B3GALNT2: variants seen among roughly 807,000 people sequenced by gnomAD.
B3GALNT2 encodes the protein UDP-GalNAc:beta-1,3-N-acetylgalactosaminyltransferase 2.
A neutral mutation model predicts 61.1 loss-of-function variants in B3GALNT2; 53 were observed. The observed-to-expected ratio is 0.87, with a 90% CI of 0.70 to 1.09. B3GALNT2 has a LOEUF of 1.09. B3GALNT2 is among the 50% of genes least tolerant of loss of function. The pLI is 0.00. For missense variants in B3GALNT2, 544 were observed against 623.0 expected (o/e 0.87, Z 1.35); for synonymous variants, 223 against 237.4 (o/e 0.94, Z 0.56).
At chr1:235,472,507 T>G (rs568607789) in intron 5 of B3GALNT2, among the ~76,000 whole-genome samples, 1 of 152,304 alleles carries the variant, frequency 6.6e-6, no homozygotes, top group African/African-American at 2.4e-5. Flanking sequence ...TTAATACCAT[T>G]TATCACTCTG....
At chr1:235,440,032 G>T in the B3GALNT2 span, among the ~76,000 whole-genome samples, 241 of 151,884 alleles carry the variant, frequency 1.6e-3, 4 homozygotes, top group Non-Finnish European at 2.5e-4. Context: ...GTGCAGTGCC[G>T]CGATCTCCGC....
chr1:235,469,855 C>T (rs151265470), intron 6 of B3GALNT2, among the ~76,000 whole-genome samples: 1 of 152,002 alleles, frequency 6.6e-6, no homozygotes, highest in Non-Finnish European at 1.5e-5. Flanking sequence ...AGCCAGCACA[C>T]CCCGCCTTAT....
At chr1:235,496,035 G>A (rs900536959) in intron 1 of B3GALNT2, 2 of 152,542 alleles carry the variant, frequency 1.3e-5, no homozygotes, top group African/African-American at 4.8e-5. Flanking sequence ...TTCTGGGCCA[G>A]GCACGGTGGC....
chr1:235,474,983 ATATATTTTT>A (rs1482890627), intron 5 of B3GALNT2, among the ~76,000 whole-genome samples: 143 of 38,768 alleles, frequency 3.7e-3, no homozygotes, highest in African/African-American at 0.017. Context: ...ATATATATAT[ATATATTTTT>A]TTTTTTTTTT....
At chr1:235,456,385 A>G (rs1432316902) in intron 8 of B3GALNT2, among the ~76,000 whole-genome samples, 1 of 152,170 alleles carries the variant, frequency 6.6e-6, no homozygotes, top group Admixed American at 6.5e-5. Flanking sequence ...TGCCAGTCAT[A>G]TGTCAGAAAT....
chr1:235,472,724 A>C (rs1684058815), intron 5 of B3GALNT2, among the ~76,000 whole-genome samples: 1 of 152,122 alleles, frequency 6.6e-6, no homozygotes, highest in Non-Finnish European at 1.5e-5. Flanking sequence ...GGATTAAATG[A>C]AAGATATACC....
chr1:235,493,558 A>C (rs561774776), intron 2 of B3GALNT2, among the ~76,000 whole-genome samples: 3 of 152,126 alleles, frequency 2.0e-5, no homozygotes, highest in Admixed American at 6.5e-5. Flanking sequence ...CAAGCAGATC[A>C]CCTGAGGTCA....
chr1:235,477,491 G>A (rs1684341377), intron 5 of B3GALNT2, among the ~76,000 whole-genome samples: 1 of 152,110 alleles, frequency 6.6e-6, no homozygotes, highest in African/African-American at 2.4e-5. Flanking sequence ...CCATAAAACT[G>A]CGATTAGCTT....
intron 7 of B3GALNT2, 104 bp downstream of exon 7, chr1:235,465,532 A>G (rs1683646711): frequency 5.4e-6 from 8 of 1,494,458 alleles, no homozygotes; most frequent in South Asian, 1.3e-5. Flanking sequence ...TTATCTGAAT[A>G]AAGTTTTTTA....
chr1:235,452,740 CG>C (rs1030052428), intron 11 of B3GALNT2, among the ~76,000 whole-genome samples: 2 of 151,972 alleles, frequency 1.3e-5, no homozygotes, highest in East Asian at 3.9e-4. Context: ...TTTGTAGAGA[CG>C]GGGGGTTTCA....
chr1:235,446,060 G>T (rs1682250362), downstream of B3GALNT2, among the ~76,000 whole-genome samples: 3 of 152,316 alleles, frequency 2.0e-5, no homozygotes, highest in South Asian at 6.2e-4. Flanking sequence ...TACCACATGT[G>T]GCTGCCATAC....
chr1:235,491,346 G>C (rs189259351), intron 2 of B3GALNT2, among the ~76,000 whole-genome samples: 1 of 152,140 alleles, frequency 6.6e-6, no homozygotes, highest in Admixed American at 6.5e-5. Context: ...TGGTTTCATG[G>C]AATTTACGAT....
In B3GALNT2 at chr1:235,465,576, GT is replaced by G. The variant is rs774521546; in HGVS notation, c.841+59del. The G allele has an allele frequency of 2.5e-6, 4 of 1,572,770 alleles. No individual in the cohort carries two copies. The South Asian group carries it at 3.6e-5, about 14-fold the overall frequency. ...AAAAGAAAAAATCCTTTTCTCTCAA[GT>G]ATAAAGATTAAGTATAAGACATTCA... On this transcript the variant is annotated intron_variant, in intron 7 of 11. Coordinates refer to ENST00000366600, the MANE Select transcript of B3GALNT2 (RefSeq NM_152490.5).
At chr1:235,499,461 T>C (rs766170779) in intron 1 of B3GALNT2, among the ~76,000 whole-genome samples, 5 of 152,208 alleles carry the variant, frequency 3.3e-5, no homozygotes, top group Admixed American at 6.5e-5. Context: ...GCATCTCCTA[T>C]GCTCATTGTT....
the B3GALNT2 span, among the ~76,000 whole-genome samples, chr1:235,440,395 TA>T: frequency 2.0e-5 from 3 of 151,962 alleles, no homozygotes; most frequent in Non-Finnish European, 4.4e-5. Context: ...CATCCGTATA[TA>T]TATATATTTT....
rs1484993904 is a variant in B3GALNT2, at chr1:235,447,624, T to A, written c.*2582A>T. Among the ~76,000 whole-genome samples the A allele has an allele frequency of 2.0e-5, 3 of 152,166 alleles. No individual in the cohort carries two copies. The highest frequency in any genetic ancestry group is 2.0e-4 in the Admixed American group (3 of 15,278). On this transcript the variant is annotated 3_prime_UTR_variant, in exon 12 of 12. Coordinates refer to ENST00000366600, the MANE Select transcript of B3GALNT2 (RefSeq NM_152490.5). ...GAACTAAGGCCAGAGTTGAGAGATG[T>A]CCTCAGGATACCTGAGTCCCATTCC...
In B3GALNT2 at chr1:235,473,189, G is replaced by A. The variant is rs532029255; in HGVS notation, c.652-2229C>T. Among the ~76,000 whole-genome samples the A allele has an allele frequency of 8.7e-4, 132 of 152,236 alleles. 3 individuals carry two copies. In the South Asian group the frequency reaches 0.025, roughly 28 times the overall value. Reference sequence around the variant, plus strand: ...CAGCCTCCCAAAGTGCTAGGATTACGGGCGTGAGCCACCGCCCAACCTTTC... The same window carrying A: ...CAGCCTCCCAAAGTGCTAGGATTACAGGCGTGAGCCACCGCCCAACCTTTC... On this transcript the variant is annotated intron_variant, in intron 5 of 11. Coordinates refer to ENST00000366600, the MANE Select transcript of B3GALNT2 (RefSeq NM_152490.5).
intron 4 of B3GALNT2, among the ~76,000 whole-genome samples, chr1:235,480,905 CAAAAAAAAAAAAAAAAA>C (rs55666590): frequency 1.1e-3 from 33 of 31,170 alleles, no homozygotes; most frequent in South Asian, 8.8e-3. Context: ...GACTCTGTCT[CAAAAAAAAAAAAAAAAA>C]AAAAAAAAAA....
In B3GALNT2 at chr1:235,494,577, C is replaced by A. The variant is rs911787144; in HGVS notation, c.260+104G>T. The A allele has an allele frequency of 5.5e-6, 7 of 1,272,090 alleles. No homozygotes were observed. The South Asian group carries it at 1.0e-4, about 18-fold the overall frequency. 78.8% of individuals were successfully genotyped at this position (1,272,090 alleles called of 1,614,324 possible). On this transcript the variant is annotated intron_variant, in intron 2 of 11. Coordinates refer to ENST00000366600, the MANE Select transcript of B3GALNT2 (RefSeq NM_152490.5). ...GCTCAAGCAATCCTTCCACCTCAGCCTCCCCGGTAGCTGGGACGACGGGCA... is the reference window on the plus strand; with the variant it reads ...GCTCAAGCAATCCTTCCACCTCAGCATCCCCGGTAGCTGGGACGACGGGCA...
Sources: allele counts gnomAD v4.1 joint callset (sites outside exome capture counted in the v4.1 genomes callset), GRCh38; gene constraint gnomAD v4.1.1; transcripts MANE v1.5; gene names NCBI Gene and HGNC (gene_info 2026-07-23, HGNC 2026-07-21).